SCN8A: variants seen among roughly 807,000 people sequenced by gnomAD.
The protein encoded by SCN8A is sodium voltage-gated channel alpha subunit 8.
SCN8A carries 30 observed loss-of-function variants against 184.1 expected under a neutral mutation model. That is an observed-to-expected ratio of 0.16 (90% CI 0.12 to 0.22). SCN8A has a LOEUF of 0.22. Among genes scored for constraint, SCN8A ranks in the 10% least tolerant of loss-of-function variants. The probability of loss-of-function intolerance (pLI) is 1.00; values close to 1 mark genes in which losing one functional copy is unlikely to be tolerated. For missense variants in SCN8A, 1,057 were observed against 2,498.9 expected, an observed-to-expected ratio of 0.42 and a Z score of 12.30; for synonymous variants, 852 against 907.0, an observed-to-expected ratio of 0.94 and a Z score of 1.09.
intron 14 of SCN8A, among the ~76,000 whole-genome samples, chr12:51,753,889 GA>G (rs562618734): frequency 1.3e-5 from 2 of 151,796 alleles, no homozygotes; most frequent in Non-Finnish European, 1.5e-5. Flanking sequence ...TAAGAGGATG[GA>G]AAAAAAATGA....
At chr12:51,775,513 G>A (rs546974926) in intron 20 of SCN8A, among the ~76,000 whole-genome samples, 12 of 152,284 alleles carry the variant, frequency 7.9e-5, no homozygotes, top group South Asian at 2.1e-4. Context: ...CCTAAATGAG[G>A]TGAGGACCCC....
In SCN8A at chr12:51,779,344, A is replaced by G. The variant is rs148330719; in HGVS notation, c.3820-1305A>G. Among the ~76,000 whole-genome samples, 453 of 152,324 alleles carry G rather than the reference A, an allele frequency of 3.0e-3. 3 individuals are homozygous for G. Among genetic ancestry groups the G allele is most frequent in the African/African-American group, 0.01 (425 of 41,578 alleles). On this transcript the variant is annotated intron_variant, in intron 20 of 26. Coordinates refer to ENST00000627620, the MANE Select transcript of SCN8A (RefSeq NM_001330260.2). ...ACTCTCAGCTCAGGCCCAGGAAGGCATAAATGTAGTTAGCATGGTGTTGAG... is the reference window on the plus strand; with the variant it reads ...ACTCTCAGCTCAGGCCCAGGAAGGCGTAAATGTAGTTAGCATGGTGTTGAG...
chr12:51,759,384 A>G (rs963545578), intron 14 of SCN8A, among the ~76,000 whole-genome samples: 6 of 152,198 alleles, frequency 3.9e-5, no homozygotes, highest in South Asian at 4.1e-4. Flanking sequence ...GATGGCTGCT[A>G]AGTGGCTAAA....
intron 2 of SCN8A, among the ~76,000 whole-genome samples, chr12:51,681,776 G>A (rs1414945975): frequency 6.6e-6 from 1 of 152,188 alleles, no homozygotes; most frequent in Non-Finnish European, 1.5e-5. Context: ...AGAATGACGT[G>A]ACTCTGGTAG....
At chr12:51,722,989 T>G (rs569629152) in intron 12 of SCN8A, 4 of 152,240 alleles carry the variant, frequency 2.6e-5, no homozygotes, top group African/African-American at 9.6e-5. Context: ...CTCCTTGAGA[T>G]AGCATGTTAG....
At chr12:51,685,695 G>A (rs1941407753) in intron 3 of SCN8A, among the ~76,000 whole-genome samples, 1 of 152,132 alleles carries the variant, frequency 6.6e-6, no homozygotes, top group African/African-American at 2.4e-5. Context: ...ACACATATGG[G>A]CTGTATTGGC....
rs748828215 is a variant in SCN8A at position 51,762,535 on chromosome 12, C to G, written c.2403C>G (p.Phe801Leu). Reference sequence around the variant, plus strand: ...CTGGAATTTTCACAGCGGAAATGTTCCTGAAGCTCATAGCCATGGATCCCT... The same window carrying G: ...CTGGAATTTTCACAGCGGAAATGTTGCTGAAGCTCATAGCCATGGATCCCT... The part of the protein sequence containing the change: ...VFTGIFTAEM[F>L]LKLIAMDPYY... The change falls in exon 15 of 27, where the codon TTC (phenylalanine) becomes TTG (leucine). Residue 801 changes from phenylalanine (F) to leucine (L), a missense_variant. Phe to Leu is a conservative substitution (Grantham distance 22, BLOSUM62 0). Transcript: ENST00000627620. 7 of 1,613,498 alleles carry G rather than the reference C, an allele frequency of 4.3e-6. No homozygotes were observed. In the Admixed American group the frequency reaches 1.0e-4, roughly 23 times the overall value.
chr12:51,624,054 T>C (rs1279754283), intron 1 of SCN8A, among the ~76,000 whole-genome samples: 1 of 152,216 alleles, frequency 6.6e-6, no homozygotes, highest in Admixed American at 6.5e-5. Flanking sequence ...CTATTGTGAA[T>C]AGTGCCACAA....
chr12:51,694,614 ACT>A (rs1274709739), intron 6 of SCN8A, among the ~76,000 whole-genome samples: 1 of 151,976 alleles, frequency 6.6e-6, no homozygotes, highest in African/African-American at 2.4e-5. Flanking sequence ...TCTGTTGCAC[ACT>A]CTGTTGTGTA....
chr12:51,782,633 A>T (rs1000815769), intron 21 of SCN8A, among the ~76,000 whole-genome samples: 1 of 152,194 alleles, frequency 6.6e-6, no homozygotes, highest in Non-Finnish European at 1.5e-5. Flanking sequence ...CATCTGACCC[A>T]TCTGACGCTT....
At chr12:51,720,825 G>A (rs1942040837) in intron 11 of SCN8A, among the ~76,000 whole-genome samples, 1 of 151,818 alleles carries the variant, frequency 6.6e-6, no homozygotes, top group African/African-American at 2.4e-5. Flanking sequence ...CAGCACTTTG[G>A]GAGGCCGAGG....
rs370268493 is a variant in SCN8A, at chr12:51,806,715, C to A, written c.5229C>A (p.Ile1743=). 8.2e-5 allele frequency: 133 copies of A among 1,613,988 alleles called. No individual in the cohort carries two copies. The highest frequency in any genetic ancestry group is 7.5e-5 in the Non-Finnish European group (89 of 1,180,010). The change falls in exon 27 of 27, where the codon ATC becomes ATA. Residue 1743 remains isoleucine, a synonymous_variant. Coordinates refer to ENST00000627620, the MANE Select transcript of SCN8A (RefSeq NM_001330260.2). This position sits in a 1 kb window ranked among gnomAD's most constrained non-coding sequence, Gnocchi z 8.7. ...ATTGTGGGAACCCCTCAGTGGGCAT[C>A]TTCTTCTTTGTAAGCTACATCATCA... ...KGDCGNPSVG[I]FFFVSYIIIS...
intron 7 of SCN8A, 34 bp downstream of exon 7, chr12:51,699,825 A>T (rs745366008): frequency 6.5e-7 from 1 of 1,546,090 alleles, no homozygotes; most frequent in Non-Finnish European, 8.9e-7. Flanking sequence ...AGGAATAGGA[A>T]AAGTCTATTC....
At chr12:51,745,786 G>A (rs978931117) in intron 12 of SCN8A, 117 bp from the exon 13 acceptor site, 3 of 762,694 alleles carry the variant, frequency 3.9e-6, no homozygotes, top group Non-Finnish European at 5.8e-6. Context: ...AGGACTGTAG[G>A]ATCAAAGTTA....
chr12:51,735,312 A>G (rs1414996001), intron 12 of SCN8A, among the ~76,000 whole-genome samples: 4 of 152,228 alleles, frequency 2.6e-5, no homozygotes, highest in Non-Finnish European at 4.4e-5. Context: ...TAATGATTCC[A>G]TAGGAATCGT....
chr12:51,781,192 G>T (rs1009241537), intron 21 of SCN8A, among the ~76,000 whole-genome samples: 1 of 152,156 alleles, frequency 6.6e-6, no homozygotes, highest in African/African-American at 2.4e-5. Flanking sequence ...GGGGACTGTG[G>T]CCTTGGGGTC....
chr12:51,689,236 T>C, intron 6 of SCN8A, 140 bp downstream of exon 6: 1 of 711,910 alleles, frequency 1.4e-6, no homozygotes, highest in Admixed American at 2.4e-5. Context: ...AGACATTCTC[T>C]GGAATGGCCG....
At chr12:51,799,007 G>A (rs979073827) in intron 26 of SCN8A, among the ~76,000 whole-genome samples, 1 of 152,214 alleles carries the variant, frequency 6.6e-6, no homozygotes, top group Non-Finnish European at 1.5e-5. Context: ...TTTCCCTTCA[G>A]TGCTCTCCTT....
intron 20 of SCN8A, chr12:51,780,344 G>A: frequency 2.8e-6 from 1 of 353,716 alleles, no homozygotes; most frequent in Non-Finnish European, 5.5e-6. Context: ...TCTCCTGTCA[G>A]CCTCTCCCCT....
Sources: gnomAD v4.1 joint callset for allele counts (sites outside exome capture counted in the v4.1 genomes callset) on GRCh38, gnomAD v4.1.1 for gene constraint, Gnocchi (gnomAD v3.1) non-coding constraint, MANE v1.5 for transcripts, NCBI Gene and HGNC (gene_info 2026-07-23, HGNC 2026-07-21) for gene names.